Variants in STK32B observed in about 807,000 individuals in gnomAD.
STK32B encodes the protein serine/threonine-protein kinase 32B.
STK32B carries 43 observed loss-of-function variants against 52.6 expected under a neutral mutation model. That is an observed-to-expected ratio of 0.82 (90% confidence interval 0.64 to 1.05). The LOEUF is 1.05. STK32B is among the 50% of genes least tolerant of loss of function. The pLI, the probability that STK32B is intolerant of heterozygous loss-of-function variation, is 0.00. For missense variants in STK32B, 621 were observed against 534.6 expected, an observed-to-expected ratio of 1.16 and a Z score of -1.59; for synonymous variants, 238 against 204.3, an observed-to-expected ratio of 1.17 and a Z score of -1.41.
At chr4:5,339,347 A>G (rs1243538277) in intron 4 of STK32B, among the ~76,000 whole-genome samples, 2 of 152,222 alleles carry the variant, frequency 1.3e-5, no homozygotes, top group African/African-American at 4.8e-5. Flanking sequence ...TGACTACTGC[A>G]GTTGAATTAC....
At chr4:5,054,313 C>T (rs1166541629) in intron 1 of STK32B, among the ~76,000 whole-genome samples, 2 of 152,004 alleles carry the variant, frequency 1.3e-5, no homozygotes, top group South Asian at 2.1e-4. Context: ...TGAGCTCAGG[C>T]GACTGATATC....
At chr4:5,240,118 A>G (rs192881107) in intron 3 of STK32B, among the ~76,000 whole-genome samples, 3 of 141,578 alleles carry the variant, frequency 2.1e-5, no homozygotes, top group Admixed American at 1.4e-4. Context: ...TGGGTTTGAC[A>G]TGTTTGACTT....
intron 2 of STK32B, among the ~76,000 whole-genome samples, chr4:5,153,246 G>T (rs995795572): frequency 1.3e-5 from 2 of 152,196 alleles, no homozygotes; most frequent in Non-Finnish European, 2.9e-5. Context: ...AAGGGTACAG[G>T]CTTCCAGATT....
At chr4:5,227,322 C>A (rs1723944192) in intron 3 of STK32B, among the ~76,000 whole-genome samples, 1 of 152,062 alleles carries the variant, frequency 6.6e-6, no homozygotes, top group Non-Finnish European at 1.5e-5. Flanking sequence ...GTTCTTTTAC[C>A]CACGCATGAT....
chr4:5,382,618 C>T (rs1736006002), intron 4 of STK32B, among the ~76,000 whole-genome samples: 1 of 152,096 alleles, frequency 6.6e-6, no homozygotes, highest in Admixed American at 6.6e-5. Flanking sequence ...AGTAAAAAGA[C>T]CCCAGCTTTT....
At chr4:5,069,192 T>C (rs1006606421) in intron 1 of STK32B, among the ~76,000 whole-genome samples, 41 of 2,918 alleles carry the variant, frequency 0.014, no homozygotes, top group Admixed American at 0.027. Flanking sequence ...CAGGTTCTCT[T>C]TTTTTTTTTT....
At chr4:5,144,896 C>G (rs1472032130) in intron 2 of STK32B, among the ~76,000 whole-genome samples, 1 of 152,118 alleles carries the variant, frequency 6.6e-6, no homozygotes, top group African/African-American at 2.4e-5. Flanking sequence ...AAAAGTAAAC[C>G]AGATATGGTG....
Position 5,051,883 on chromosome 4 carries a change from A to G in STK32B, c.20A>G (p.His7Arg). 6.2e-7 allele frequency: 1 copy of G among 1,600,676 alleles called. No homozygotes were observed. The highest frequency in any genetic ancestry group is 1.7e-5 in the Admixed American group (1 of 58,750). Residue 7 changes from histidine to arginine, a missense_variant, in exon 1 of 12, where the codon CAC (histidine) becomes CGC (arginine). Physicochemically the swap from His to Arg is conservative, Grantham distance 29. Transcript: ENST00000282908. The part of the protein sequence containing the change: MGGNHS[H>R]KPPVFDENEE... ...CGGAATATGGGCGGGAACCACTCCC[A>G]CAAGCCCCCCGTGTTTGACGAGAAT...
intron 6 of STK32B, among the ~76,000 whole-genome samples, chr4:5,446,411 T>C (rs745817900): frequency 6.6e-6 from 1 of 151,836 alleles, no homozygotes; most frequent in Non-Finnish European, 1.5e-5. Context: ...ACTAAAAATA[T>C]CACAATTAGC....
chr4:5,463,648 AACAC>A (rs373156761), intron 9 of STK32B, among the ~76,000 whole-genome samples: 29 of 151,458 alleles, frequency 1.9e-4, no homozygotes, highest in Admixed American at 6.6e-4. Flanking sequence ...CTCCCATACA[AACAC>A]ACACACACAC....
intron 4 of STK32B, among the ~76,000 whole-genome samples, chr4:5,361,784 C>A (rs1734565199): frequency 6.6e-6 from 1 of 152,244 alleles, no homozygotes; most frequent in Non-Finnish European, 1.5e-5. Flanking sequence ...CATGGGAAAG[C>A]AATGGTGTAC....
At chr4:5,401,799 A>G (rs1737308175) in intron 5 of STK32B, among the ~76,000 whole-genome samples, 1 of 152,222 alleles carries the variant, frequency 6.6e-6, no homozygotes, top group South Asian at 2.1e-4. Context: ...GTAATGAACC[A>G]CATAACTTAA....
chr4:5,152,488 G>A (rs1344934446), intron 2 of STK32B, among the ~76,000 whole-genome samples: 1 of 152,236 alleles, frequency 6.6e-6, no homozygotes, highest in Non-Finnish European at 1.5e-5. Context: ...AAATATTTGT[G>A]AGACAGGAGG....
At chr4:5,225,099 A>G (rs1723777851) in intron 3 of STK32B, among the ~76,000 whole-genome samples, 1 of 152,182 alleles carries the variant, frequency 6.6e-6, no homozygotes, top group Admixed American at 6.5e-5. Flanking sequence ...TTTGTAGAAT[A>G]TATCTACCAA....
intron 7 of STK32B, chr4:5,447,063 C>G (rs1035898407): frequency 7.2e-6 from 2 of 278,292 alleles, no homozygotes; most frequent in Admixed American, 4.6e-5. Context: ...GCCTTGGCCT[C>G]GTGGTTTCAA....
intron 4 of STK32B, among the ~76,000 whole-genome samples, chr4:5,343,521 G>A (rs888199090): frequency 5.9e-5 from 9 of 152,048 alleles, no homozygotes; most frequent in Non-Finnish European, 1.2e-4. Context: ...CTGAGGAATC[G>A]CCACACTGAC....
chr4:5,326,310 T>A (rs2108946838), intron 3 of STK32B, among the ~76,000 whole-genome samples: 1 of 152,338 alleles, frequency 6.6e-6, no homozygotes, highest in African/African-American at 2.4e-5. Flanking sequence ...TATTCTTCTA[T>A]CCAGTAGCAA....
intron 11 of STK32B, among the ~76,000 whole-genome samples, chr4:5,475,687 T>G (rs13435635): frequency 0.17 from 25,390 of 145,770 alleles, 4,686 homozygotes; most frequent in African/African-American, 0.47. Context: ...AACAGAGCAA[T>G]ACTCCGTTCC....
intron 3 of STK32B, among the ~76,000 whole-genome samples, chr4:5,259,182 C>G (rs1353918192): frequency 6.6e-6 from 1 of 152,158 alleles, no homozygotes; most frequent in East Asian, 1.9e-4. Context: ...TTTTCTATAG[C>G]AAGAATCAAC....
Sources: gnomAD v4.1 joint callset for allele counts (sites outside exome capture counted in the v4.1 genomes callset) on GRCh38, gnomAD v4.1.1 for gene constraint, MANE v1.5 for transcripts, NCBI Gene and HGNC (gene_info 2026-07-23, HGNC 2026-07-21) for gene names.